TPI1: variants seen among roughly 807,000 people sequenced by gnomAD.
The protein encoded by TPI1 is triosephosphate isomerase.
A neutral mutation model predicts 31.0 loss-of-function variants in TPI1; 11 were observed. That is an observed-to-expected ratio of 0.36 (90% CI 0.22 to 0.59). The LOEUF is 0.59. TPI1 is among the 20% of genes least tolerant of loss of function. TPI1 has a pLI of 0.79. For missense variants in TPI1, 245 were observed against 319.7 expected, an observed-to-expected ratio of 0.77 and a Z score of 1.78; for synonymous variants, 121 against 122.8, an observed-to-expected ratio of 0.99 and a Z score of 0.10.
upstream of TPI1, chr12:6,867,446 T>C (rs2138087064): frequency 6.7e-7 from 1 of 1,487,424 alleles, no homozygotes; most frequent in Non-Finnish European, 9.0e-7. Flanking sequence ...TCCGGGGGAC[T>C]GGGCGGGCCA....
At chr12:6,868,213 G>A (rs1036876882) in intron 1 of TPI1, 22 of 1,287,764 alleles carry the variant, frequency 1.7e-5, no homozygotes, top group Admixed American at 1.4e-4. Context: ...CGCCTTCCAC[G>A]GAAGGGACCG....
chr12:6,867,461 G>A (rs1262027091), upstream of TPI1: 5 of 1,522,390 alleles, frequency 3.3e-6, no homozygotes, highest in East Asian at 1.3e-4. Context: ...GGGCCATGGC[G>A]GAGGACGGCG....
chr12:6,867,496 C>A, upstream of TPI1: 2 of 1,555,820 alleles, frequency 1.3e-6, no homozygotes, highest in South Asian at 1.2e-5. Flanking sequence ...CACTTCGCGG[C>A]GCTCTATATA....
chr12:6,867,721 C>A (rs1388448997), intron 1 of TPI1, 40 bp downstream of exon 1: 2 of 1,546,162 alleles, frequency 1.3e-6, no homozygotes, highest in Non-Finnish European at 8.7e-7. Flanking sequence ...GGGCCGGGGC[C>A]GGGGCCGGGG....
At position 6,868,605 on chromosome 12, in the gene TPI1, G is replaced by T. The variant is rs144665539; in HGVS notation, c.116-259G>T. The T allele has an allele frequency of 2.5e-4, 337 of 1,358,216 alleles. 3 individuals carry two copies. The East Asian group carries it at 5.8e-3, about 24-fold the overall frequency. 84.1% of individuals were successfully genotyped at this position (1,358,216 alleles called of 1,614,324 possible). A position where few individuals can be genotyped will look rare whatever the true frequency, so the allele number is the denominator to read the frequency against. On this transcript the variant is annotated intron_variant, in intron 1 of 6. Transcript: ENST00000396705. ...TGCCGAGAATAGCTCGAGGAAATTG[G>T]AGCCCCAGCTGTTAAAAGAGCAGAG...
intron 1 of TPI1, chr12:6,868,413 G>C (rs1250044052): frequency 5.0e-5 from 64 of 1,287,652 alleles, no homozygotes; most frequent in Non-Finnish European, 5.8e-5. Context: ...GATCCAAAGA[G>C]GCATCCCCTT....
chr12:6,869,604 C>A, intron 4 of TPI1, 84 bp from the exon 5 acceptor site: 1 of 1,541,640 alleles, frequency 6.5e-7, no homozygotes, highest in Non-Finnish European at 9.0e-7. Flanking sequence ...GGGCAGTAGG[C>A]CACCGTTCTT....
chr12:6,867,624 CAG>C lies in TPI1; in HGVS notation c.61_62del (p.Leu22GlyfsTer50), dbSNP rs782447245. On this transcript the variant is annotated frameshift_variant, in exon 1 of 7. Coordinates refer to ENST00000396705, the MANE Select transcript of TPI1 (RefSeq NM_000365.6). LOFTEE classifies it high-confidence loss of function. ...GGNWKMNGRK[Q>X]SLGELIGTLN... ...AAACTGGAAGATGAACGGGCGGAAGCAGAGTCTGGGGGAGCTCATCGGCACTC... is the reference window on the plus strand; with the variant it reads ...AAACTGGAAGATGAACGGGCGGAAGCAGTCTGGGGGAGCTCATCGGCACTC... 3 of 1,612,860 alleles carry C rather than the reference CAG, an allele frequency of 1.9e-6. No homozygotes were observed. The highest frequency in any genetic ancestry group is 1.3e-5 in the African/African-American group (1 of 74,866).
At chr12:6,869,607 C>T (rs1944539418) in intron 4 of TPI1, 81 bp from the exon 5 acceptor site, 1 of 1,547,234 alleles carries the variant, frequency 6.5e-7, no homozygotes, top group African/African-American at 1.4e-5. Context: ...CAGTAGGCCA[C>T]CGTTCTTCGT....
At chr12:6,867,758 GC>G in intron 1 of TPI1, 77 bp downstream of exon 1, 1 of 1,346,782 alleles carries the variant, frequency 7.4e-7, no homozygotes, top group South Asian at 1.5e-5. Flanking sequence ...CTCTCCCGAG[GC>G]CCCGAGGCCC....
Position 6,867,628 on chromosome 12 carries a change from G to C in TPI1, c.62G>C (p.Ser21Thr). 1 of 1,612,854 alleles carries C rather than the reference G, an allele frequency of 6.2e-7. No homozygotes were observed. Among genetic ancestry groups the C allele is most frequent in the Non-Finnish European group, 8.5e-7 (1 of 1,179,722 alleles). The change falls in exon 1 of 7, where the codon AGT (serine) becomes ACT (threonine). Residue 21 changes from serine to threonine, a missense_variant. Coordinates refer to ENST00000396705, the MANE Select transcript of TPI1 (RefSeq NM_000365.6). ...TGGAAGATGAACGGGCGGAAGCAGA[G>C]TCTGGGGGAGCTCATCGGCACTCTG... ...GNWKMNGRKQ[S>T]LGELIGTLNA...
intron 1 of TPI1, chr12:6,868,579 A>G (rs782503610): frequency 6.8e-6 from 9 of 1,322,536 alleles, no homozygotes; most frequent in Non-Finnish European, 8.8e-6. Flanking sequence ...TGAGGTGCCT[A>G]TGCCGAGAAT....
intron 1 of TPI1, chr12:6,868,024 G>C: frequency 8.3e-7 from 1 of 1,199,538 alleles, no homozygotes; most frequent in Non-Finnish European, 1.1e-6. Flanking sequence ...GGGAGACCGG[G>C]GGAGGCTGGG....
chr12:6,867,448 G>A (rs1555131359), upstream of TPI1: 9 of 1,506,220 alleles, frequency 6.0e-6, no homozygotes, highest in Middle Eastern at 2.4e-4. Context: ...CGGGGGACTG[G>A]GCGGGCCATG....
chr12:6,869,989 A>C, intron 5 of TPI1, 60 bp from the exon 6 acceptor site: 3 of 1,576,938 alleles, frequency 1.9e-6, no homozygotes, highest in African/African-American at 1.3e-5. Context: ...CACTGGTGCC[A>C]GTGATTTTTC....
intron 1 of TPI1, chr12:6,868,028 G>C: frequency 2.5e-6 from 3 of 1,217,252 alleles, no homozygotes; most frequent in Non-Finnish European, 3.1e-6. Context: ...GACCGGGGGA[G>C]GCTGGGCCGC....
rs1191018741 is a variant in TPI1, at chr12:6,870,556, G to A, written c.*173G>A. The A allele has an allele frequency of 1.3e-6, 1 of 769,496 alleles. No homozygotes were observed. The highest frequency in any genetic ancestry group is 2.4e-6 in the Non-Finnish European group (1 of 415,646). 47.7% of individuals were successfully genotyped at this position (769,496 alleles called of 1,614,324 possible). A position where few individuals can be genotyped will look rare whatever the true frequency, so the allele number is the denominator to read the frequency against. On this transcript the variant is annotated 3_prime_UTR_variant, in exon 7 of 7. Transcript: ENST00000396705. ...TATATCTTCACCCTGTAATGGTTGGGACCAGGCCAATCCCTTCTCCACTTA... is the reference window on the plus strand; with the variant it reads ...TATATCTTCACCCTGTAATGGTTGGAACCAGGCCAATCCCTTCTCCACTTA...
chr12:6,869,924 T>G, intron 5 of TPI1, 125 bp from the exon 6 acceptor site: 1 of 1,389,280 alleles, frequency 7.2e-7, no homozygotes. Flanking sequence ...GTCCAGGGCC[T>G]GGCTTGGATC....
Position 6,869,332 on chromosome 12 carries a change from T to C in TPI1, c.399T>C (p.Asp133=), listed in dbSNP as rs1369067327. The C allele has an allele frequency of 6.2e-7, 1 of 1,613,836 alleles. No homozygotes were observed. The highest frequency in any genetic ancestry group is 1.7e-5 in the Admixed American group (1 of 59,992). ...TCGCCTGCATTGGGGAGAAGCTAGA[T>C]GAAAGGGAAGCTGGCATCACTGAGA... ...GVIACIGEKL[D]EREAGITEKV... is the part of the protein sequence containing the mutation. Residue 133 remains aspartate (D), a synonymous_variant, in exon 4 of 7, where the codon GAT becomes GAC. Transcript: ENST00000396705.
Sources: gnomAD v4.1 joint callset for allele counts on GRCh38, gnomAD v4.1.1 for gene constraint, MANE v1.5 for transcripts, NCBI Gene and HGNC (gene_info 2026-07-23, HGNC 2026-07-21) for gene names.